TPTE2: variants seen among roughly 807,000 people sequenced by gnomAD.
TPTE2 encodes phosphatidylinositol 3,4,5-trisphosphate 3-phosphatase TPTE2.
In TPTE2, 53 loss-of-function variants were observed where a neutral mutation model predicts 78.6. The ratio of observed to expected loss-of-function variants is 0.67; its 90% CI spans 0.54 to 0.85. The LOEUF is 0.85. Ranked by LOEUF, TPTE2 falls within the 40% of genes least tolerant of loss-of-function variation. The pLI is 0.00. For synonymous variants in TPTE2, 175 were observed against 206.2 expected, an observed-to-expected ratio of 0.85 and a Z score of 1.30; for missense variants, 461 against 623.0, an observed-to-expected ratio of 0.74 and a Z score of 2.77.
intron 14 of TPTE2, among the ~76,000 whole-genome samples, chr13:19,437,033 T>C (rs1000841160): frequency 1.9e-4 from 6 of 31,358 alleles, no homozygotes; most frequent in African/African-American, 3.7e-4. Flanking sequence ...TTAATAAACC[T>C]AGGAGACACA....
At chr13:19,540,933 A>G (rs35677319), upstream of TPTE2, among the ~76,000 whole-genome samples, 2 of 152,174 alleles carry the variant, frequency 1.3e-5, no homozygotes, top group African/African-American at 4.8e-5. Context: ...CCTCACACTT[A>G]GTGGCTTAAA....
the TPTE2 span, among the ~76,000 whole-genome samples, chr13:19,556,769 T>A: frequency 1.3e-5 from 2 of 152,316 alleles, no homozygotes; most frequent in Non-Finnish European, 2.9e-5. Context: ...CAAGCCATCC[T>A]GTTGTCTCAG....
intron 18 of TPTE2, among the ~76,000 whole-genome samples, chr13:19,425,457 A>C (rs377740676): frequency 2.1e-4 from 32 of 152,270 alleles, no homozygotes; most frequent in South Asian, 1.2e-3. Flanking sequence ...AGCAGTTTCC[A>C]GTTCACCTCC....
intron 1 of TPTE2, among the ~76,000 whole-genome samples, chr13:19,511,234 T>G (rs1254915083): frequency 6.6e-6 from 1 of 152,218 alleles, no homozygotes; most frequent in Non-Finnish European, 1.5e-5. Flanking sequence ...AGGGGATGCA[T>G]GCTGTGGAAT....
intron 1 of TPTE2, among the ~76,000 whole-genome samples, chr13:19,514,045 T>C (rs1398919895): frequency 1.3e-5 from 2 of 151,944 alleles, no homozygotes; most frequent in East Asian, 1.9e-4. Flanking sequence ...CAGGGTCTCT[T>C]AGCTCCTTTC....
intron 13 of TPTE2, among the ~76,000 whole-genome samples, chr13:19,449,388 G>A (rs575224796): frequency 9.2e-5 from 14 of 152,190 alleles, no homozygotes; most frequent in African/African-American, 3.1e-4. Flanking sequence ...TGATCCACCT[G>A]CCTCAGCCTC....
the TPTE2 span, chr13:19,560,815 G>A: frequency 4.6e-6 from 7 of 1,512,684 alleles, no homozygotes; most frequent in African/African-American, 1.4e-5. Context: ...CGCCCACCCC[G>A]GACGCGGTCC....
At chr13:19,448,274 T>A (rs554575330) in intron 13 of TPTE2, among the ~76,000 whole-genome samples, 3 of 152,304 alleles carry the variant, frequency 2.0e-5, no homozygotes, top group Admixed American at 2.0e-4. Context: ...GGCCAAGATA[T>A]TTTTGGATAT....
At chr13:19,458,571 T>C (rs182677959) in intron 10 of TPTE2, 7 of 438,208 alleles carry the variant, frequency 1.6e-5, no homozygotes, top group African/African-American at 1.2e-4. Flanking sequence ...TCAGTCTCTG[T>C]GTAAGATAAT....
chr13:19,434,383 G>A (rs1049722533), intron 15 of TPTE2, among the ~76,000 whole-genome samples: 1 of 152,212 alleles, frequency 6.6e-6, no homozygotes, highest in African/African-American at 2.4e-5. Context: ...ATGTGTTGGA[G>A]TATGGGATGT....
At chr13:19,479,776 A>C (rs905072152) in intron 4 of TPTE2, among the ~76,000 whole-genome samples, 2 of 152,084 alleles carry the variant, frequency 1.3e-5, no homozygotes, top group Admixed American at 1.3e-4. Context: ...ATCCTGGCCA[A>C]CATGGTGAAA....
intron 3 of TPTE2, among the ~76,000 whole-genome samples, chr13:19,483,216 G>C (rs184715374): frequency 2.9e-3 from 439 of 152,294 alleles, no homozygotes; most frequent in Non-Finnish European, 4.1e-3. Flanking sequence ...TCTTAAAATA[G>C]GAAAATGAAG....
the TPTE2 span, chr13:19,561,004 C>T: frequency 6.3e-7 from 1 of 1,577,808 alleles, no homozygotes; most frequent in South Asian, 1.2e-5. Context: ...AGCCGGAGGC[C>T]ACGTCCCCAC....
chr13:19,488,574 T>G (rs1266932193), intron 3 of TPTE2, among the ~76,000 whole-genome samples: 1 of 152,244 alleles, frequency 6.6e-6, no homozygotes, highest in Non-Finnish European at 1.5e-5. Flanking sequence ...CTTCTTTCCT[T>G]AAACCTCATG....
At chr13:19,438,777 A>G (rs1593353607) in intron 13 of TPTE2, among the ~76,000 whole-genome samples, 1 of 152,208 alleles carries the variant, frequency 6.6e-6, no homozygotes. Context: ...TTCAAGAAAG[A>G]AAATGGCAAT....
the TPTE2 span, among the ~76,000 whole-genome samples, chr13:19,559,161 C>CTG: frequency 6.6e-6 from 1 of 152,170 alleles, no homozygotes; most frequent in Non-Finnish European, 1.5e-5. Flanking sequence ...TCAGTGCTGG[C>CTG]TGTAACAGTA....
chr13:19,522,684 G>A (rs1172942245), intron 1 of TPTE2, among the ~76,000 whole-genome samples: 2 of 139,624 alleles, frequency 1.4e-5, no homozygotes, highest in African/African-American at 2.7e-5. Context: ...GTGCAGTGGT[G>A]TGATCTCGGC....
chr13:19,475,228 T>G (rs1879863354), intron 5 of TPTE2, among the ~76,000 whole-genome samples: 1 of 152,100 alleles, frequency 6.6e-6, no homozygotes, highest in African/African-American at 2.4e-5. Context: ...ATATATTTTT[T>G]TTTCTTTTTT....
chr13:19,497,128 G>A (rs910191305), intron 1 of TPTE2, among the ~76,000 whole-genome samples: 10 of 151,770 alleles, frequency 6.6e-5, no homozygotes, highest in South Asian at 2.1e-4. Context: ...ATTATATCCC[G>A]CACCTGTCTT....
Sources: gnomAD v4.1 joint callset for allele counts (sites outside exome capture counted in the v4.1 genomes callset) on GRCh38, gnomAD v4.1.1 for gene constraint, MANE v1.5 for transcripts, NCBI Gene and HGNC (gene_info 2026-07-23, HGNC 2026-07-21) for gene names.